USP10: variants seen among roughly 807,000 people sequenced by gnomAD.
The protein encoded by USP10 is ubiquitin carboxyl-terminal hydrolase 10.
Under a neutral mutation model 84.5 loss-of-function variants are expected in USP10, and 22 were observed. That is an observed-to-expected ratio of 0.26 (90% CI 0.19 to 0.37). The LOEUF (loss-of-function observed/expected upper bound fraction) is 0.37. Among genes scored for constraint, USP10 ranks in the 10% least tolerant of loss-of-function variants. The probability of loss-of-function intolerance (pLI) is 1.00; values close to 1 mark genes in which losing one functional copy is unlikely to be tolerated. For missense variants in USP10, 1,019 were observed against 998.9 expected (o/e 1.02, Z -0.27); for synonymous variants, 454 against 387.6 (o/e 1.17, Z -2.01).
intron 2 of USP10, among the ~76,000 whole-genome samples, chr16:84,736,933 C>T (rs781086443): frequency 7.2e-5 from 11 of 152,212 alleles, no homozygotes; most frequent in Non-Finnish European, 1.0e-4. Context: ...GGACTACAGG[C>T]GTCCGCCACC....
intron 4 of USP10, among the ~76,000 whole-genome samples, chr16:84,755,816 G>T: frequency 6.7e-6 from 1 of 149,340 alleles, no homozygotes; most frequent in East Asian, 2.0e-4. Flanking sequence ...AAAAAAATCA[G>T]TCACTTGCTG....
At chr16:84,724,864 T>G (rs116759886) in intron 1 of USP10, among the ~76,000 whole-genome samples, 3,185 of 152,328 alleles carry the variant, frequency 0.021, 107 homozygotes, top group African/African-American at 0.073. Flanking sequence ...CATCTCCAGA[T>G]GTCCTCAGAA....
intron 10 of USP10, among the ~76,000 whole-genome samples, chr16:84,767,643 G>A (rs1212642765): frequency 6.6e-6 from 1 of 152,228 alleles, no homozygotes; most frequent in Non-Finnish European, 1.5e-5. Context: ...AAATAACAGT[G>A]TGGAGAGGAA....
intron 1 of USP10, among the ~76,000 whole-genome samples, chr16:84,719,981 C>T (rs1258095637): frequency 1.3e-5 from 2 of 152,156 alleles, no homozygotes; most frequent in Non-Finnish European, 1.5e-5. Flanking sequence ...CTTCTTCAAC[C>T]AAACCTTCTA....
intron 1 of USP10, among the ~76,000 whole-genome samples, chr16:84,729,129 ATAATAAATG>A (rs577079165): frequency 2.3e-3 from 353 of 152,340 alleles, no homozygotes; most frequent in African/African-American, 8.0e-3. Flanking sequence ...AATAGTGTTG[ATAATAAATG>A]CTTCTTCATT....
intron 3 of USP10, among the ~76,000 whole-genome samples, chr16:84,743,129 A>T (rs896334204): frequency 6.6e-6 from 1 of 152,232 alleles, no homozygotes; most frequent in Admixed American, 6.5e-5. Context: ...CAGCCCCTAC[A>T]TATGATAATA....
At chr16:84,759,044 C>A (rs530758196) in intron 5 of USP10, among the ~76,000 whole-genome samples, 1 of 152,220 alleles carries the variant, frequency 6.6e-6, no homozygotes, top group Admixed American at 6.5e-5. Flanking sequence ...GACAAGCTGG[C>A]TCTCATTAGA....
chr16:84,778,405 T>G (rs909832748), intron 13 of USP10, among the ~76,000 whole-genome samples: 1 of 152,216 alleles, frequency 6.6e-6, no homozygotes, highest in Non-Finnish European at 1.5e-5. Context: ...ATAAATTGTG[T>G]TATTTTAATA....
intron 1 of USP10, among the ~76,000 whole-genome samples, chr16:84,715,009 A>G (rs563348301): frequency 1.3e-5 from 2 of 151,504 alleles, no homozygotes; most frequent in African/African-American, 2.4e-5. Flanking sequence ...GCTCACTGCA[A>G]CCTCTGCCTC....
chr16:84,736,229 T>C (rs1476536113), intron 2 of USP10, among the ~76,000 whole-genome samples: 1 of 152,272 alleles, frequency 6.6e-6, no homozygotes, highest in African/African-American at 2.4e-5. Context: ...GAATTTTTCA[T>C]ATGCTTTTTC....
In USP10 at chr16:84,747,387, A is replaced by T. The variant is rs1911355455; in HGVS notation, c.1192+1714A>T. Among the ~76,000 whole-genome samples, 8 of 152,294 alleles carry T rather than the reference A, an allele frequency of 5.3e-5. No individual in the cohort carries two copies. In the South Asian group the frequency reaches 1.7e-3, roughly 32 times the overall value. Reference sequence around the variant, plus strand: ...AAATAAAACACATTCTTTGGGTGGCAATAGGGTGATAGCAAGCAATGTATA... The same window carrying T: ...AAATAAAACACATTCTTTGGGTGGCTATAGGGTGATAGCAAGCAATGTATA... On this transcript the variant is annotated intron_variant, in intron 4 of 13. Coordinates refer to ENST00000219473, the MANE Select transcript of USP10 (RefSeq NM_005153.3).
At chr16:84,731,543 CAG>C (rs1286974843) in intron 1 of USP10, among the ~76,000 whole-genome samples, 3 of 152,172 alleles carry the variant, frequency 2.0e-5, no homozygotes, top group Middle Eastern at 3.4e-3. Context: ...GTGTATGTGA[CAG>C]AAAGTGTTCT....
At chr16:84,731,648 A>C (rs1371666464) in intron 1 of USP10, among the ~76,000 whole-genome samples, 1 of 152,228 alleles carries the variant, frequency 6.6e-6, no homozygotes, top group Non-Finnish European at 1.5e-5. Flanking sequence ...GAAACTTTCA[A>C]AATGTTGCCC....
rs1026603482 is a variant in USP10 at position 84,731,349 on chromosome 16, G to A, written c.22-2086G>A. Among the ~76,000 whole-genome samples, 5 of 151,692 alleles carry A rather than the reference G, an allele frequency of 3.3e-5. No individual in the cohort carries two copies. In the South Asian group the frequency reaches 1.0e-3, roughly 32 times the overall value. ...CGCCATAGGCAATGTGCACAGAGTA[G>A]CCACGTTTCTACTATTGATATTAAA... On this transcript the variant is annotated intron_variant, in intron 1 of 13. Coordinates refer to ENST00000219473, the MANE Select transcript of USP10 (RefSeq NM_005153.3).
At chr16:84,703,012 A>AAAAAAAAAAAAAAAAAAG in intron 1 of USP10, among the ~76,000 whole-genome samples, 1 of 150,772 alleles carries the variant, frequency 6.6e-6, no homozygotes, top group African/African-American at 2.4e-5. Flanking sequence ...AAAAAAAAAA[A>AAAAAAAAAAAAAAAAAAG]AGAGCGAAAC....
chr16:84,701,260 A>G (rs183062607), intron 1 of USP10, among the ~76,000 whole-genome samples: 1 of 152,256 alleles, frequency 6.6e-6, no homozygotes, highest in Non-Finnish European at 1.5e-5. Context: ...TTAAAAAATT[A>G]GATCTTACGA....
At chr16:84,719,928 G>A (rs988043793) in intron 1 of USP10, among the ~76,000 whole-genome samples, 1 of 152,108 alleles carries the variant, frequency 6.6e-6, no homozygotes, top group African/African-American at 2.4e-5. Context: ...ACCACTTTTT[G>A]CATTCTTTTA....
rs192075813 is a variant in USP10 at position 84,710,547 on chromosome 16, C to A, written c.21+10436C>A. On this transcript the variant is annotated intron_variant, in intron 1 of 13. Coordinates refer to ENST00000219473, the MANE Select transcript of USP10 (RefSeq NM_005153.3). ...GTAGTTAGGGAAGGTCATTTAGGGA[C>A]ATATTCCCTTTATTTTGAGGGGGAG... Among the ~76,000 whole-genome samples the A allele has an allele frequency of 3.3e-5, 5 of 152,228 alleles. No individual in the cohort carries two copies. In the East Asian group the frequency reaches 9.6e-4, roughly 29 times the overall value.
chr16:84,742,706 C>T (rs190345620), intron 3 of USP10, among the ~76,000 whole-genome samples: 13 of 152,278 alleles, frequency 8.5e-5, no homozygotes, highest in Middle Eastern at 3.4e-3. Context: ...CTCTGCCATG[C>T]GGTGCAAGGC....
Sources: gnomAD v4.1 joint callset for allele counts (sites outside exome capture counted in the v4.1 genomes callset) on GRCh38, gnomAD v4.1.1 for gene constraint, MANE v1.5 for transcripts, NCBI Gene and HGNC (gene_info 2026-07-23, HGNC 2026-07-21) for gene names.